DTNB: variants seen among roughly 807,000 people sequenced by gnomAD.
The protein encoded by DTNB is dystrobrevin beta, also known as DTN-B.
In DTNB, 63 loss-of-function variants were observed where a neutral mutation model predicts 90.7. The ratio of observed to expected loss-of-function variants is 0.69; its 90% confidence interval spans 0.57 to 0.86. The LOEUF is 0.86. Among genes scored for constraint, DTNB ranks in the 40% least tolerant of loss-of-function variants. The pLI is 0.00. For synonymous variants in DTNB, 277 were observed against 286.7 expected (o/e 0.97, Z 0.34); for missense variants, 744 against 807.1 (o/e 0.92, Z 0.95).
chr2:25,457,532 G>A (rs556739671), intron 10 of DTNB, among the ~76,000 whole-genome samples: 2 of 152,062 alleles, frequency 1.3e-5, no homozygotes, highest in African/African-American at 4.8e-5. Context: ...GTGCTTTCAA[G>A]GTACCGTTCC....
At chr2:25,533,985 C>G (rs889565750) in intron 8 of DTNB, among the ~76,000 whole-genome samples, 1 of 137,608 alleles carries the variant, frequency 7.3e-6, no homozygotes, top group Non-Finnish European at 1.5e-5. Context: ...GGAAATGCAG[C>G]GTTTATTTTT....
chr2:25,476,061 AGTAATT>A (rs1204855194), intron 10 of DTNB, among the ~76,000 whole-genome samples: 1 of 131,010 alleles, frequency 7.6e-6, no homozygotes, highest in African/African-American at 3.1e-5. Context: ...TGGATCAAGA[AGTAATT>A]TTTTTTTTTT....
chr2:25,641,355 C>T (rs1185710393), intron 2 of DTNB, among the ~76,000 whole-genome samples: 1 of 152,212 alleles, frequency 6.6e-6, no homozygotes, highest in African/African-American at 2.4e-5. Context: ...TAATCAGATT[C>T]TAAAACCTCC....
At chr2:25,482,523 T>A (rs2065175271) in intron 10 of DTNB, among the ~76,000 whole-genome samples, 1 of 152,150 alleles carries the variant, frequency 6.6e-6, no homozygotes, top group South Asian at 2.1e-4. Context: ...CCTAATCTGC[T>A]CTGACACTGC....
intron 10 of DTNB, among the ~76,000 whole-genome samples, chr2:25,476,108 A>C (rs1265140287): frequency 7.0e-6 from 1 of 143,684 alleles, no homozygotes; most frequent in Non-Finnish European, 1.5e-5. Context: ...CGCTCTTGTC[A>C]CCTAGGCTGG....
At chr2:25,466,194 G>A (rs1424682296) in intron 10 of DTNB, among the ~76,000 whole-genome samples, 1 of 152,110 alleles carries the variant, frequency 6.6e-6, no homozygotes, top group Non-Finnish European at 1.5e-5. Context: ...AAATTAGCTG[G>A]GCGTAGTGGT....
intron 9 of DTNB, among the ~76,000 whole-genome samples, chr2:25,500,584 CT>C (rs1474376496): frequency 1.3e-5 from 2 of 152,292 alleles, no homozygotes; most frequent in East Asian, 3.9e-4. Flanking sequence ...AAATGTGTAT[CT>C]AAGTCTCTGC....
intron 1 of DTNB, among the ~76,000 whole-genome samples, chr2:25,669,601 C>T (rs1010490051): frequency 6.6e-6 from 1 of 152,158 alleles, no homozygotes; most frequent in African/African-American, 2.4e-5. Context: ...TGGCAGGATG[C>T]ATTTGCAACA....
chr2:25,645,583 A>G (rs2079261474), intron 2 of DTNB, among the ~76,000 whole-genome samples: 1 of 152,012 alleles, frequency 6.6e-6, no homozygotes, highest in Non-Finnish European at 1.5e-5. Flanking sequence ...CTGGGACTAC[A>G]AAAACATGCC....
At chr2:25,641,873 T>A (rs1274004048) in intron 2 of DTNB, among the ~76,000 whole-genome samples, 2 of 152,164 alleles carry the variant, frequency 1.3e-5, no homozygotes, top group African/African-American at 2.4e-5. Flanking sequence ...CAGGCTGGAG[T>A]GCAGTAGCAC....
chr2:25,637,068 T>A (rs919291503), intron 3 of DTNB, among the ~76,000 whole-genome samples: 2 of 152,164 alleles, frequency 1.3e-5, no homozygotes, highest in Admixed American at 6.5e-5. Flanking sequence ...TCTACAACCA[T>A]CTGATCTTTG....
chr2:25,607,405 G>C, intron 4 of DTNB, 84 bp from the exon 5 acceptor site: 16 of 1,290,220 alleles, frequency 1.2e-5, no homozygotes, highest in Non-Finnish European at 1.6e-5. Context: ...GAGCAACCCA[G>C]TAAGTTGATT....
rs1004831616 is a variant in DTNB at position 25,411,683 on chromosome 2, C to T, written c.1575+7832G>A. On this transcript the variant is annotated intron_variant, in intron 16 of 20. Coordinates refer to ENST00000406818, the MANE Select transcript of DTNB (RefSeq NM_021907.5). ...GAGGGCCGCAGTGGTGCCTGAGGCC[C>T]GGGATACCACTGGCCCGGCTTGTGT... Among the ~76,000 whole-genome samples, 28 of 152,126 alleles carry T rather than the reference C, an allele frequency of 1.8e-4. No individual in the cohort carries two copies. In the East Asian group the frequency reaches 3.5e-3, roughly 19 times the overall value.
intron 16 of DTNB, among the ~76,000 whole-genome samples, chr2:25,401,820 A>T (rs1371525602): frequency 6.6e-6 from 1 of 152,200 alleles, no homozygotes. Context: ...AGAATGGAAG[A>T]CACTTTAGTC....
chr2:25,427,551 A>G lies in DTNB; in HGVS notation c.1538T>C (p.Leu513Pro). ...RRELMVQLEE[L>P]MKLLKEEEQK... Reference sequence around the variant, plus strand: ...GGCTCTTACCTTCAGCAACTTCATCAGCTCTTCCAGCTGGACCATCAGCTC... The same window carrying G: ...GGCTCTTACCTTCAGCAACTTCATCGGCTCTTCCAGCTGGACCATCAGCTC... The change falls in exon 15 of 21, where the codon CTG becomes CCG. Residue 513 changes from leucine to proline, a missense_variant. Coordinates refer to ENST00000406818, the MANE Select transcript of DTNB (RefSeq NM_021907.5). 1 of 1,613,808 alleles carries G rather than the reference A, an allele frequency of 6.2e-7. No homozygotes were observed. Among genetic ancestry groups the G allele is most frequent in the Non-Finnish European group, 8.5e-7 (1 of 1,179,812 alleles).
intron 16 of DTNB, among the ~76,000 whole-genome samples, chr2:25,415,082 A>G (rs939190174): frequency 2.0e-5 from 3 of 152,202 alleles, no homozygotes; most frequent in African/African-American, 7.2e-5. Context: ...AAGCACCACA[A>G]AAGTGGCTGA....
At chr2:25,526,395 A>ATATATATATATATTTT in intron 9 of DTNB, among the ~76,000 whole-genome samples, 38 of 49,818 alleles carry the variant, frequency 7.6e-4, no homozygotes, top group African/African-American at 1.4e-3. Context: ...ATATATATAT[A>ATATATATATATATTTT]TTTTTTTTTT....
intron 5 of DTNB, among the ~76,000 whole-genome samples, chr2:25,601,230 T>C (rs2148458720): frequency 6.6e-6 from 1 of 152,330 alleles, no homozygotes; most frequent in African/African-American, 2.4e-5. Flanking sequence ...ACTAGTACTC[T>C]AATTAAATAA....
intron 1 of DTNB, among the ~76,000 whole-genome samples, chr2:25,671,063 A>AGAGTAG (rs2085752770): frequency 6.6e-6 from 1 of 152,362 alleles, no homozygotes; most frequent in Non-Finnish European, 1.5e-5. Flanking sequence ...ATAAAGTGCA[A>AGAGTAG]GAGTAGTGAT....
Sources: gnomAD v4.1 joint callset for allele counts (sites outside exome capture counted in the v4.1 genomes callset) on GRCh38, gnomAD v4.1.1 for gene constraint, MANE v1.5 for transcripts, NCBI Gene and HGNC (gene_info 2026-07-23, HGNC 2026-07-21) for gene names.